The following SERPINB9 variants were observed in gnomAD, a reference collection of about 807,000 sequenced individuals.
SERPINB9 encodes serpin family B member 9.
Under a neutral mutation model 27.2 loss-of-function variants are expected in SERPINB9, and 20 were observed. That is an observed-to-expected ratio of 0.74 (90% CI 0.52 to 1.07). The LOEUF (loss-of-function observed/expected upper bound fraction) is 1.07, where lower values mean the gene tolerates loss of function less well. SERPINB9 is among the 50% of genes least tolerant of loss of function. The probability of loss-of-function intolerance (pLI) is 0.00; values close to 1 mark genes in which losing one functional copy is unlikely to be tolerated. For missense variants in SERPINB9, 476 were observed against 460.1 expected, an observed-to-expected ratio of 1.03 and a Z score of -0.32; for synonymous variants, 189 against 180.0, an observed-to-expected ratio of 1.05 and a Z score of -0.40.
chr6:2,890,871 CTG>C lies in SERPINB9; in HGVS notation c.724-303_724-302del, dbSNP rs977216556. On this transcript the variant is annotated intron_variant, in intron 6 of 6. Coordinates refer to ENST00000380698, the MANE Select transcript of SERPINB9 (RefSeq NM_004155.6). This position sits in a 1 kb window ranked among gnomAD's most constrained non-coding sequence, Gnocchi z 6.2. ...GTGACAAGTGTCAATGCCCAGGCGA[CTG>C]TGTTTTTTTTTCAAACATAGTCTTT... 1.3e-5 allele frequency among the ~76,000 whole-genome samples: 2 copies of C among 152,100 alleles called. No homozygotes were observed. Among genetic ancestry groups the C allele is most frequent in the Non-Finnish European group, 2.9e-5 (2 of 68,024 alleles).
rs762989654 is a variant in SERPINB9, at chr6:2,890,212, T to C, written c.1082A>G (p.His361Arg). The C allele has an allele frequency of 1.9e-6, 3 of 1,614,198 alleles. No homozygotes were observed. Among genetic ancestry groups the C allele is most frequent in the Non-Finnish European group, 2.5e-6 (3 of 1,180,036 alleles). The change falls in exon 7 of 7, where the codon CAC (histidine) becomes CGC (arginine). Residue 361 changes from histidine to arginine, a missense_variant. Coordinates refer to ENST00000380698, the MANE Select transcript of SERPINB9 (RefSeq NM_004155.6). The surrounding 1 kb of genome is among the most constrained non-coding windows in gnomAD (Gnocchi z 6.2). ...ADHPFLFFIRHNRANSILFCG... is the reference protein window; with the variant it reads ...ADHPFLFFIRRNRANSILFCG... Reference sequence around the variant, plus strand: ...GAACAGAATGCTGTTGGCTCTGTTGTGCCTGATGAAGAAAAGGAAAGGGTG... The same window carrying C: ...GAACAGAATGCTGTTGGCTCTGTTGCGCCTGATGAAGAAAAGGAAAGGGTG...
intron 3 of SERPINB9, 87 bp from the exon 4 acceptor site, chr6:2,895,595 T>TA: frequency 4.9e-6 from 4 of 818,582 alleles, no homozygotes; most frequent in Non-Finnish European, 8.1e-6. Context: ...GTTATCTTTT[T>TA]TTAATAAAAA....
At chr6:2,895,934 G>T in intron 3 of SERPINB9, 119 bp downstream of exon 3, 2 of 1,106,316 alleles carry the variant, frequency 1.8e-6, no homozygotes, top group Non-Finnish European at 2.5e-6. Context: ...AAAAAAAATA[G>T]TGCAATTTTT....
In SERPINB9 at chr6:2,898,816, A is replaced by G. The variant is rs535735519; in HGVS notation, c.168+1628T>C. 3.5e-3 allele frequency among the ~76,000 whole-genome samples: 524 copies of G among 148,084 alleles called. 1 individual carries two copies. The highest frequency in any genetic ancestry group is 0.014 in the Middle Eastern group (4 of 278). ...GCGACAGAGCAAGACTCTGTCTCGA[A>G]AAAAAAAAAAAGAAATAGGACTGGA... On this transcript the variant is annotated intron_variant, in intron 2 of 6. Coordinates refer to ENST00000380698, the MANE Select transcript of SERPINB9 (RefSeq NM_004155.6).
chr6:2,892,103 A>G (rs905003104), intron 5 of SERPINB9, 115 bp from the exon 6 acceptor site: 26 of 197,280 alleles, frequency 1.3e-4, no homozygotes, highest in African/African-American at 9.3e-4. Context: ...CCCAGTTAAC[A>G]CTAAAAAAAA....
chr6:2,893,401 C>G lies in SERPINB9; in HGVS notation c.567+10G>C, dbSNP rs201741310. ...ATCAAACTAGCAGGATTTTAAAAAG[C>G]TTCCCCCACCTGGTTTATTTTAAAG... On this transcript the variant is annotated intron_variant, in intron 5 of 6. Transcript: ENST00000380698. 6.3e-7 allele frequency: 1 copy of G among 1,592,798 alleles called. No homozygotes were observed. The highest frequency in any genetic ancestry group is 8.6e-7 in the Non-Finnish European group (1 of 1,169,028).
In SERPINB9 at chr6:2,889,040, C is replaced by T. The variant is rs1207112540; in HGVS notation, c.*1123G>A. 3 of 152,132 alleles carry T rather than the reference C, an allele frequency of 2.0e-5. No individual in the cohort carries two copies. The highest frequency in any genetic ancestry group is 7.2e-5 in the African/African-American group (3 of 41,412). 9.4% of individuals were successfully genotyped at this position (152,132 alleles called of 1,614,324 possible). A position where few individuals can be genotyped will look rare whatever the true frequency, so the allele number is the denominator to read the frequency against. On this transcript the variant is annotated 3_prime_UTR_variant, in exon 7 of 7. Coordinates refer to ENST00000380698, the MANE Select transcript of SERPINB9 (RefSeq NM_004155.6). Reference sequence around the variant, plus strand: ...GAGATTAATAAAAATAAAAGAACTACCACGAAAGAAGTGCCCTCCAAGTAC... The same window carrying T: ...GAGATTAATAAAAATAAAAGAACTATCACGAAAGAAGTGCCCTCCAAGTAC...
chr6:2,888,363 A>T lies in SERPINB9; in HGVS notation c.*1800T>A, dbSNP rs1767664646. 1 of 152,228 alleles carries T rather than the reference A, an allele frequency of 6.6e-6. No homozygotes were observed. Among genetic ancestry groups the T allele is most frequent in the Non-Finnish European group, 1.5e-5 (1 of 68,042 alleles). The allele number at this position is 152,228 out of a possible 1,614,324, so 9.4% of individuals were successfully genotyped here. A position where few individuals can be genotyped will look rare whatever the true frequency, so the allele number is the denominator to read the frequency against. On this transcript the variant is annotated 3_prime_UTR_variant, in exon 7 of 7. Transcript: ENST00000380698. ...ATACCCAAGAGAATGCAAAATAGGCATTCAAACAAATACAGGTACACAAAC... is the reference window on the plus strand; with the variant it reads ...ATACCCAAGAGAATGCAAAATAGGCTTTCAAACAAATACAGGTACACAAAC...
In SERPINB9 at chr6:2,887,988, AAAC is replaced by A. The variant is rs1436628684; in HGVS notation, c.*2172_*2174del. The A allele has an allele frequency of 6.6e-6, 1 of 152,150 alleles. No individual in the cohort carries two copies. The highest frequency in any genetic ancestry group is 1.9e-4 in the East Asian group (1 of 5,206). The allele number at this position is 152,150 out of a possible 1,614,324, so 9.4% of individuals were successfully genotyped here. A position where few individuals can be genotyped will look rare whatever the true frequency, so the allele number is the denominator to read the frequency against. On this transcript the variant is annotated 3_prime_UTR_variant, in exon 7 of 7. Coordinates refer to ENST00000380698, the MANE Select transcript of SERPINB9 (RefSeq NM_004155.6). ...TAACAAACTGTCACTCGTGTTCTAA[AAAC>A]AAACAAATGTCTTTCATCTCATTTT...
At chr6:2,902,843 G>A (rs1459520222) in intron 1 of SERPINB9, among the ~76,000 whole-genome samples, 4 of 152,228 alleles carry the variant, frequency 2.6e-5, no homozygotes, top group Non-Finnish European at 5.9e-5. Context: ...AAAGGACAGT[G>A]AAGAAGCAGG....
Position 2,891,686 on chromosome 6 carries a change from AACAAAAG to A in SERPINB9, c.723+140_723+146del. 1.2e-6 allele frequency: 1 copy of A among 851,330 alleles called. No homozygotes were observed. The highest frequency in any genetic ancestry group is 1.8e-6 in the Non-Finnish European group (1 of 570,666). 52.7% of individuals were successfully genotyped at this position (851,330 alleles called of 1,614,324 possible). On this transcript the variant is annotated intron_variant, in intron 6 of 6. Transcript: ENST00000380698. This position sits in a 1 kb window ranked among gnomAD's most constrained non-coding sequence, Gnocchi z 4.0. The stretch of plus-strand genomic sequence containing the variant: ...ACAATATTGGGAAAAGTCAGCCTTG[AACAAAAG>A]TTCGATCCCAACGCCAAGTGCCTGC...
At position 2,889,993 on chromosome 6, in the gene SERPINB9, A is replaced by C; in HGVS notation, c.*170T>G. On this transcript the variant is annotated 3_prime_UTR_variant, in exon 7 of 7. Transcript: ENST00000380698. ...CTCAAGATTCTGATTAAGTAGCATAAGCGAGTGTGGAGCATCATGAATTCA... is the reference window on the plus strand; with the variant it reads ...CTCAAGATTCTGATTAAGTAGCATACGCGAGTGTGGAGCATCATGAATTCA... 1.8e-6 allele frequency: 1 copy of C among 559,016 alleles called. No individual in the cohort carries two copies. Among genetic ancestry groups the C allele is most frequent in the Non-Finnish European group, 3.1e-6 (1 of 321,600 alleles). The allele number at this position is 559,016 out of a possible 1,614,324, so 34.6% of individuals were successfully genotyped here. A position where few individuals can be genotyped will look rare whatever the true frequency, so the allele number is the denominator to read the frequency against.
Position 2,888,979 on chromosome 6 carries a change from C to T in SERPINB9, c.*1184G>A, listed in dbSNP as rs1174933269. On this transcript the variant is annotated 3_prime_UTR_variant, in exon 7 of 7. Coordinates refer to ENST00000380698, the MANE Select transcript of SERPINB9 (RefSeq NM_004155.6). ...CACCCAGATATGTAAGACAGAGTCC[C>T]AACCTTTGGTTGTTGGAGGACTATC... The T allele has an allele frequency of 6.6e-6, 1 of 152,052 alleles. No homozygotes were observed. Among genetic ancestry groups the T allele is most frequent in the Non-Finnish European group, 1.5e-5 (1 of 68,026 alleles). The allele number at this position is 152,052 out of a possible 1,614,324, so 9.4% of individuals were successfully genotyped here.
rs755780346 is a variant in SERPINB9, at chr6:2,890,159, C to A, written c.*4G>T. On this transcript the variant is annotated 3_prime_UTR_variant, in exon 7 of 7. Coordinates refer to ENST00000380698, the MANE Select transcript of SERPINB9 (RefSeq NM_004155.6). The surrounding 1 kb of genome is among the most constrained non-coding windows in gnomAD (Gnocchi z 6.2). The stretch of plus-strand genomic sequence containing the variant: ...AATGGCCGAGTGCACGGTAAGTGCA[C>A]CCTTTATGGCGATGAGAACCTGCCA... 5.6e-6 allele frequency: 9 copies of A among 1,610,178 alleles called. No individual in the cohort carries two copies. The Admixed American group carries it at 1.3e-4, about 24-fold the overall frequency.
chr6:2,887,571 G>C lies in SERPINB9; in HGVS notation c.*2592C>G, dbSNP rs1429596782. ...ATAAAAGATACTGAACTAGGGCTGG[G>C]CTCAGTGGCTTATGCCTGTAATCCT... On this transcript the variant is annotated 3_prime_UTR_variant, in exon 7 of 7. Coordinates refer to ENST00000380698, the MANE Select transcript of SERPINB9 (RefSeq NM_004155.6). 6.6e-6 allele frequency: 1 copy of C among 152,168 alleles called. No homozygotes were observed. The highest frequency in any genetic ancestry group is 1.5e-5 in the Non-Finnish European group (1 of 68,040). 9.4% of individuals were successfully genotyped at this position (152,168 alleles called of 1,614,324 possible).
In SERPINB9 at chr6:2,896,095, C is replaced by T. The variant is rs778930785; in HGVS notation, c.264G>A (p.Thr88=). The T allele has an allele frequency of 1.6e-5, 26 of 1,613,696 alleles. No individual in the cohort carries two copies. Among genetic ancestry groups the T allele is most frequent in the South Asian group, 5.5e-5 (5 of 91,008 alleles). ...TTTTCTCTCCAAAGAGCCTGTTGGC[C>T]GTTCTCAGCAGGTACTGTGTGCCAG... ...NKAGTQYLLR[T]ANRLFGEKTC... Residue 88 remains threonine, a synonymous_variant, in exon 3 of 7, where the codon ACG becomes ACA. Transcript: ENST00000380698.
chr6:2,890,392 G>T lies in SERPINB9; in HGVS notation c.902C>A (p.Ser301Ter). The change falls in exon 7 of 7, where the codon TCG (serine) becomes TAG (stop). Residue 301 changes from serine (S) to a stop codon, truncating the protein, a stop_gained. Coordinates refer to ENST00000380698, the MANE Select transcript of SERPINB9 (RefSeq NM_004155.6). LOFTEE classifies it low-confidence loss of function (END_TRUNC). This position sits in a 1 kb window ranked among gnomAD's most constrained non-coding sequence, Gnocchi z 6.2. ...CAGGTCTCTCTCCGCTGACATTGCC[G>T]ACAAGTCAGCCTTGCCCTGTTGGAA... is the stretch of plus-strand genomic sequence containing the variant. ...DAFQQGKADL[S>*]AMSAERDLCL... The T allele has an allele frequency of 1.9e-6, 3 of 1,614,178 alleles. No homozygotes were observed. Among genetic ancestry groups the T allele is most frequent in the Non-Finnish European group, 2.5e-6 (3 of 1,180,036 alleles).
chr6:2,891,704 A>G lies in SERPINB9; in HGVS notation c.723+129T>C. Reference sequence around the variant, plus strand: ...AGCCTTGAACAAAAGTTCGATCCCAACGCCAAGTGCCTGCACAGTGTGCGT... The same window carrying G: ...AGCCTTGAACAAAAGTTCGATCCCAGCGCCAAGTGCCTGCACAGTGTGCGT... On this transcript the variant is annotated intron_variant, in intron 6 of 6. Transcript: ENST00000380698. This position sits in a 1 kb window ranked among gnomAD's most constrained non-coding sequence, Gnocchi z 4.0. The G allele has an allele frequency of 3.7e-6, 4 of 1,088,406 alleles. No homozygotes were observed. In the South Asian group the frequency reaches 7.1e-5, roughly 19 times the overall value. The allele number at this position is 1,088,406 out of a possible 1,614,324, so 67.4% of individuals were successfully genotyped here.
Position 2,891,893 on chromosome 6 carries a change from G to C in SERPINB9, c.663C>G (p.Tyr221Ter). The C allele has an allele frequency of 1.2e-6, 2 of 1,612,606 alleles. No homozygotes were observed. Among genetic ancestry groups the C allele is most frequent in the Non-Finnish European group, 8.5e-7 (1 of 1,179,868 alleles). The stretch of plus-strand genomic sequence containing the variant: ...CCAGCAGGCTCAGCTCCTTCCTGGC[G>C]TAGGGCAGCTCCAGCAGCTGCGCGC... ...EVRAQLLELP[Y>*]ARKELSLLVL... Residue 221 changes from tyrosine (Y) to a stop codon, truncating the protein, a stop_gained, in exon 6 of 7, where the codon TAC (tyrosine) becomes TAG (stop). Coordinates refer to ENST00000380698, the MANE Select transcript of SERPINB9 (RefSeq NM_004155.6). LOFTEE classifies it high-confidence loss of function. The surrounding 1 kb of genome is among the most constrained non-coding windows in gnomAD (Gnocchi z 4.0).
Sources: allele counts gnomAD v4.1 joint callset (sites outside exome capture counted in the v4.1 genomes callset), GRCh38; gene constraint gnomAD v4.1.1; non-coding constraint Gnocchi (gnomAD v3.1); transcripts MANE v1.5; gene names NCBI Gene and HGNC (gene_info 2026-07-23, HGNC 2026-07-21).